PIGN: variants seen among roughly 807,000 people sequenced by gnomAD.
PIGN encodes the protein phosphatidylinositol glycan anchor biosynthesis class N.
PIGN carries 117 observed loss-of-function variants against 125.4 expected under a neutral mutation model. The observed-to-expected ratio is 0.93, with a 90% CI of 0.80 to 1.09. PIGN has a LOEUF of 1.09. Among genes scored for constraint, PIGN ranks in the 50% least tolerant of loss-of-function variants. The probability of loss-of-function intolerance (pLI) is 0.00; values close to 1 mark genes in which losing one functional copy is unlikely to be tolerated. For missense variants in PIGN, 1,075 were observed against 1,094.9 expected (o/e 0.98, Z 0.26); for synonymous variants, 392 against 377.8 (o/e 1.04, Z -0.44).
At chr18:62,083,128 T>G (rs1478578672) in intron 27 of PIGN, among the ~76,000 whole-genome samples, 2 of 152,128 alleles carry the variant, frequency 1.3e-5, no homozygotes, top group Non-Finnish European at 2.9e-5. Flanking sequence ...GATAATTTGA[T>G]TCACAGATCC....
chr18:62,074,876 G>A, intron 28 of PIGN, 55 bp from the exon 29 acceptor site: 3 of 1,292,452 alleles, frequency 2.3e-6, no homozygotes, highest in Non-Finnish European at 1.1e-6. Context: ...CATTTTTCAA[G>A]CTCATTAAAA....
chr18:62,143,653 T>C (rs1381177252), intron 10 of PIGN, among the ~76,000 whole-genome samples: 2 of 152,178 alleles, frequency 1.3e-5, no homozygotes, highest in Non-Finnish European at 2.9e-5. Context: ...AAAAGCACAA[T>C]GGTAACAACT....
chr18:62,104,684 T>C (rs1353823621), intron 20 of PIGN, among the ~76,000 whole-genome samples: 2 of 152,198 alleles, frequency 1.3e-5, no homozygotes, highest in Non-Finnish European at 2.9e-5. Context: ...AATCAGCACA[T>C]ATTTTTACAA....
rs781574851 is a variant in PIGN at position 62,084,638 on chromosome 18, G to A, written c.2427-32C>T. On this transcript the variant is annotated intron_variant, in intron 26 of 30. Coordinates refer to ENST00000640252, the MANE Select transcript of PIGN (RefSeq NM_176787.5). The stretch of plus-strand genomic sequence containing the variant: ...AATTATAACAAGGAAAAAGAATTTA[G>A]AATTCACTCTGTAACTTTAAAAGAA... 2.4e-6 allele frequency: 3 copies of A among 1,270,074 alleles called. No homozygotes were observed. In the Admixed American group the frequency reaches 6.0e-5, roughly 25 times the overall value. The allele number at this position is 1,270,074 out of a possible 1,614,324, so 78.7% of individuals were successfully genotyped here.
intron 1 of PIGN, among the ~76,000 whole-genome samples, chr18:62,175,676 C>T (rs75441224): frequency 6.6e-6 from 1 of 152,214 alleles, no homozygotes; most frequent in Admixed American, 6.5e-5. Flanking sequence ...AATATGTATC[C>T]TCAGACTAGA....
intron 23 of PIGN, among the ~76,000 whole-genome samples, chr18:62,093,913 C>T (rs989570117): frequency 2.0e-5 from 3 of 151,982 alleles, no homozygotes; most frequent in African/African-American, 7.2e-5. Context: ...TTTCAAGATA[C>T]TCTTTTTAAT....
At chr18:62,150,874 G>C (rs1412910774) in intron 7 of PIGN, among the ~76,000 whole-genome samples, 1 of 151,978 alleles carries the variant, frequency 6.6e-6, no homozygotes, top group East Asian at 1.9e-4. Context: ...GCTAATTTTT[G>C]TATTTTTAGT....
chr18:62,154,468 A>T, intron 7 of PIGN, 77 bp downstream of exon 7: 1 of 743,908 alleles, frequency 1.3e-6, no homozygotes, highest in East Asian at 2.5e-5. Context: ...ATGAAAACAG[A>T]AAAAACGTGG....
intron 9 of PIGN, among the ~76,000 whole-genome samples, chr18:62,146,383 G>T (rs2036329116): frequency 6.6e-6 from 1 of 152,214 alleles, no homozygotes; most frequent in Non-Finnish European, 1.5e-5. Context: ...AACCACCCAA[G>T]CTTGGGGCAA....
chr18:62,052,916 A>G, intron 30 of PIGN: 1 of 388,898 alleles, frequency 2.6e-6, no homozygotes, highest in East Asian at 3.6e-5. Flanking sequence ...AAAATCTCTC[A>G]GCATTTGCTT....
At chr18:62,092,882 C>G (rs1192043082) in intron 23 of PIGN, among the ~76,000 whole-genome samples, 1 of 152,092 alleles carries the variant, frequency 6.6e-6, no homozygotes, top group African/African-American at 2.4e-5. Context: ...ACTCAGCTTT[C>G]CTATTCAAGC....
chr18:62,094,374 T>A (rs564978402), intron 23 of PIGN, among the ~76,000 whole-genome samples: 4 of 152,256 alleles, frequency 2.6e-5, no homozygotes, highest in African/African-American at 9.6e-5. Flanking sequence ...TGTACAGAAT[T>A]TAGTACATAT....
At chr18:62,072,543 T>C (rs2032939587) in intron 30 of PIGN, 130 bp downstream of exon 30, 3 of 691,202 alleles carry the variant, frequency 4.3e-6, no homozygotes, top group East Asian at 2.8e-5. Flanking sequence ...CCTAGGTGTG[T>C]TGTAGGCTAC....
chr18:62,069,956 T>G (rs537129207), intron 30 of PIGN: 5 of 152,972 alleles, frequency 3.3e-5, no homozygotes, highest in Non-Finnish European at 7.3e-5. Context: ...GACCAATGTC[T>G]AAAATGAAAA....
In PIGN at chr18:62,160,672, T is replaced by C. The variant is rs201023845; in HGVS notation, c.221+461A>G. Among the ~76,000 whole-genome samples, 25 of 152,180 alleles carry C rather than the reference T, an allele frequency of 1.6e-4. No homozygotes were observed. The East Asian group carries it at 4.8e-3, about 29-fold the overall frequency. ...ACAGGCATGTGCCACCACCCCCAGCTAATTTTTTGTATTTTTAGTAGAAAC... is the reference window on the plus strand; with the variant it reads ...ACAGGCATGTGCCACCACCCCCAGCCAATTTTTTGTATTTTTAGTAGAAAC... On this transcript the variant is annotated intron_variant, in intron 4 of 30. Transcript: ENST00000640252.
At chr18:62,119,913 G>C (rs1240181067) in intron 14 of PIGN, among the ~76,000 whole-genome samples, 1 of 151,748 alleles carries the variant, frequency 6.6e-6, no homozygotes, top group East Asian at 1.9e-4. Flanking sequence ...AGCTTGAAGA[G>C]CAAAAAGACA....
intron 1 of PIGN, among the ~76,000 whole-genome samples, chr18:62,183,464 T>C (rs2037788681): frequency 6.6e-6 from 1 of 152,196 alleles, no homozygotes; most frequent in Non-Finnish European, 1.5e-5. Context: ...GTAGGCTCAA[T>C]TCCTCTCTGC....
intron 14 of PIGN, among the ~76,000 whole-genome samples, chr18:62,117,786 T>TA (rs1456754220): frequency 6.6e-6 from 1 of 152,172 alleles, no homozygotes; most frequent in African/African-American, 2.4e-5. Flanking sequence ...CTATTTTTTT[T>TA]AGCTCCCACA....
intron 10 of PIGN, among the ~76,000 whole-genome samples, chr18:62,144,742 A>G (rs900028601): frequency 6.6e-6 from 1 of 152,236 alleles, no homozygotes; most frequent in Non-Finnish European, 1.5e-5. Flanking sequence ...ATATGCAGGT[A>G]AAATTCATAA....
Sources: allele counts gnomAD v4.1 joint callset (sites outside exome capture counted in the v4.1 genomes callset), GRCh38; gene constraint gnomAD v4.1.1; transcripts MANE v1.5; gene names NCBI Gene and HGNC (gene_info 2026-07-23, HGNC 2026-07-21).